Variants in SCN4B observed in about 807,000 individuals in gnomAD.
The protein encoded by SCN4B is sodium channel regulatory subunit beta-4.
SCN4B carries 20 observed loss-of-function variants against 19.6 expected under a neutral mutation model. The ratio of observed to expected loss-of-function variants is 1.02; its 90% CI spans 0.72 to 1.48. SCN4B has a LOEUF of 1.48. Among genes scored for constraint, SCN4B ranks in the 40% most tolerant of loss-of-function variants. The pLI is 0.00. For missense variants in SCN4B, 271 were observed against 287.5 expected, an observed-to-expected ratio of 0.94 and a Z score of 0.42; for synonymous variants, 127 against 122.8, an observed-to-expected ratio of 1.03 and a Z score of -0.22.
At chr11:118,147,124 C>G (rs1240929181) in intron 1 of SCN4B, among the ~76,000 whole-genome samples, 1 of 152,170 alleles carries the variant, frequency 6.6e-6, no homozygotes, top group Non-Finnish European at 1.5e-5. Flanking sequence ...GAATGCTGTG[C>G]GCAGGGACCA....
rs1317124427 is a variant in SCN4B at position 118,135,274 on chromosome 11, A to T, written c.*1753T>A. 1 of 453,972 alleles carries T rather than the reference A, an allele frequency of 2.2e-6. No individual in the cohort carries two copies. The highest frequency in any genetic ancestry group is 6.9e-5 in the East Asian group (1 of 14,392). 28.1% of individuals were successfully genotyped at this position (453,972 alleles called of 1,614,324 possible). On this transcript the variant is annotated 3_prime_UTR_variant, in exon 5 of 5. Coordinates refer to ENST00000324727, the MANE Select transcript of SCN4B (RefSeq NM_174934.4). ...TGGCTAAGGGACACTGGCCACAGCC[A>T]CGGGCACCCTGCAGGTACTACTGGT...
Position 118,135,753 on chromosome 11 carries a change from G to T in SCN4B, c.*1274C>A. On this transcript the variant is annotated 3_prime_UTR_variant, in exon 5 of 5. Transcript: ENST00000324727. ...TATGTCAGGACATACCGTCTAGAGAGGATGGGGGTAAGGGCTAGGATTCAG... is the reference window on the plus strand; with the variant it reads ...TATGTCAGGACATACCGTCTAGAGATGATGGGGGTAAGGGCTAGGATTCAG... 2.2e-6 allele frequency: 1 copy of T among 454,494 alleles called. No homozygotes were observed. Among genetic ancestry groups the T allele is most frequent in the South Asian group, 1.6e-5 (1 of 64,480 alleles). The allele number at this position is 454,494 out of a possible 1,614,324, so 28.2% of individuals were successfully genotyped here.
Position 118,135,100 on chromosome 11 carries a change from T to G in SCN4B, c.*1927A>C. 2 of 454,110 alleles carry G rather than the reference T, an allele frequency of 4.4e-6. No homozygotes were observed. The highest frequency in any genetic ancestry group is 8.8e-6 in the Non-Finnish European group (2 of 226,792). The allele number at this position is 454,110 out of a possible 1,614,324, so 28.1% of individuals were successfully genotyped here. On this transcript the variant is annotated 3_prime_UTR_variant, in exon 5 of 5. Coordinates refer to ENST00000324727, the MANE Select transcript of SCN4B (RefSeq NM_174934.4). ...GAAAACAGTTTTGCATGAAGGTAGC[T>G]ATAAGAAGTTTTCTGAATGGCTGGT...
rs751425302 is a variant in SCN4B at position 118,143,913 on chromosome 11, T to C, written c.383A>G (p.Lys128Arg). Residue 128 changes from lysine to arginine, a missense_variant, in exon 3 of 5, where the codon AAA becomes AGA. Coordinates refer to ENST00000324727, the MANE Select transcript of SCN4B (RefSeq NM_174934.4). ...LRDLEFSDTG[K>R]YTCHVKNPKE... Reference sequence around the variant, plus strand: ...GGGGTTCTTCACATGGCAGGTGTATTTGCCCGTGTCGCTGAACTCCAGGTC... The same window carrying C: ...GGGGTTCTTCACATGGCAGGTGTATCTGCCCGTGTCGCTGAACTCCAGGTC... 3.7e-6 allele frequency: 6 copies of C among 1,614,022 alleles called. No homozygotes were observed. The highest frequency in any genetic ancestry group is 5.1e-6 in the Non-Finnish European group (6 of 1,180,012).
chr11:118,145,023 G>C, intron 2 of SCN4B, 34 bp downstream of exon 2: 3 of 1,606,742 alleles, frequency 1.9e-6, no homozygotes, highest in Non-Finnish European at 2.6e-6. Flanking sequence ...GGTGAGGGAG[G>C]CTGGGCTGTA....
At position 118,145,171 on chromosome 11, in the gene SCN4B, G is replaced by A. The variant is rs1367165042; in HGVS notation, c.120C>T (p.Asp40=). The change falls in exon 2 of 5, where the codon GAC becomes GAT. Residue 40 remains aspartate (D), a synonymous_variant. Coordinates refer to ENST00000324727, the MANE Select transcript of SCN4B (RefSeq NM_174934.4). ...SLEVSVGKAT[D]IYAVNGTEIL... is the part of the protein sequence containing the mutation. Reference sequence around the variant, plus strand: ...TCTCCGTGCCATTGACAGCGTAGATGTCGGTGGCCTTTCCCACAGACACCT... The same window carrying A: ...TCTCCGTGCCATTGACAGCGTAGATATCGGTGGCCTTTCCCACAGACACCT... The A allele has an allele frequency of 6.3e-7, 1 of 1,595,956 alleles. No homozygotes were observed.
At chr11:118,140,267 A>G (rs1948077078) in intron 4 of SCN4B, among the ~76,000 whole-genome samples, 1 of 152,058 alleles carries the variant, frequency 6.6e-6, no homozygotes, top group Non-Finnish European at 1.5e-5. Context: ...TTCATCGACA[A>G]CCCAGTTCTG....
intron 4 of SCN4B, among the ~76,000 whole-genome samples, chr11:118,139,614 T>C (rs1276813675): frequency 1.3e-5 from 2 of 152,196 alleles, no homozygotes; most frequent in Non-Finnish European, 2.9e-5. Context: ...AGTGAGTCAG[T>C]AGAACATCCT....
At position 118,136,168 on chromosome 11, in the gene SCN4B, G is replaced by T. The variant is rs1948000650; in HGVS notation, c.*859C>A. 1 of 453,350 alleles carries T rather than the reference G, an allele frequency of 2.2e-6. No homozygotes were observed. Among genetic ancestry groups the T allele is most frequent in the Non-Finnish European group, 4.4e-6 (1 of 226,572 alleles). 28.1% of individuals were successfully genotyped at this position (453,350 alleles called of 1,614,324 possible). On this transcript the variant is annotated 3_prime_UTR_variant, in exon 5 of 5. Transcript: ENST00000324727. ...GTCCTGCCATGCCAGGGGAGGGGCT[G>T]CCAGCATTGGCAGCAATGGGGCGGG...
chr11:118,143,300 CATGT>C (rs1948123510), intron 3 of SCN4B, among the ~76,000 whole-genome samples: 1 of 152,202 alleles, frequency 6.6e-6, no homozygotes, highest in Non-Finnish European at 1.5e-5. Context: ...GGACAAGGGC[CATGT>C]CTTACTCCAT....
chr11:118,147,335 C>T (rs182642749), intron 1 of SCN4B, among the ~76,000 whole-genome samples: 9 of 152,258 alleles, frequency 5.9e-5, no homozygotes, highest in African/African-American at 2.2e-4. Context: ...TTTATATACA[C>T]TGTCTCATTT....
chr11:118,144,771 A>G (rs747622308), intron 2 of SCN4B, among the ~76,000 whole-genome samples: 1 of 152,092 alleles, frequency 6.6e-6, no homozygotes, highest in Non-Finnish European at 1.5e-5. Flanking sequence ...AGACTAAACT[A>G]TTGATTTTTA....
intron 4 of SCN4B, among the ~76,000 whole-genome samples, chr11:118,138,379 T>C (rs1047380302): frequency 6.6e-6 from 1 of 152,178 alleles, no homozygotes; most frequent in African/African-American, 2.4e-5. Flanking sequence ...CTTCTGGAAG[T>C]TGATAAATGT....
chr11:118,135,912 G>C lies in SCN4B; in HGVS notation c.*1115C>G. The C allele has an allele frequency of 2.2e-6, 1 of 454,386 alleles. No homozygotes were observed. The highest frequency in any genetic ancestry group is 4.4e-6 in the Non-Finnish European group (1 of 226,728). The allele number at this position is 454,386 out of a possible 1,614,324, so 28.1% of individuals were successfully genotyped here. A position where few individuals can be genotyped will look rare whatever the true frequency, so the allele number is the denominator to read the frequency against. On this transcript the variant is annotated 3_prime_UTR_variant, in exon 5 of 5. Coordinates refer to ENST00000324727, the MANE Select transcript of SCN4B (RefSeq NM_174934.4). ...GGGAGGGGGTGGCCCAGCTGAGCAGGAAGCAGCTGGGAAACCCAAGGACCC... is the reference window on the plus strand; with the variant it reads ...GGGAGGGGGTGGCCCAGCTGAGCAGCAAGCAGCTGGGAAACCCAAGGACCC...
intron 1 of SCN4B, among the ~76,000 whole-genome samples, chr11:118,150,852 C>A (rs1227602596): frequency 6.6e-6 from 1 of 152,162 alleles, no homozygotes; most frequent in African/African-American, 2.4e-5. Flanking sequence ...TGGTCAAGGG[C>A]CAAAGGGACT....
At chr11:118,140,415 A>C (rs1051921562) in intron 4 of SCN4B, among the ~76,000 whole-genome samples, 1 of 152,222 alleles carries the variant, frequency 6.6e-6, no homozygotes. Context: ...AGAATGTTTC[A>C]GCAAATAGGG....
At chr11:118,140,500 G>C (rs186101816) in intron 4 of SCN4B, among the ~76,000 whole-genome samples, 2 of 152,174 alleles carry the variant, frequency 1.3e-5, no homozygotes, top group Non-Finnish European at 2.9e-5. Flanking sequence ...CCATCTCGTC[G>C]CATCTGTCTT....
chr11:118,145,580 C>G (rs1000423869), intron 1 of SCN4B: 3 of 738,708 alleles, frequency 4.1e-6, no homozygotes, highest in Non-Finnish European at 5.7e-6. Flanking sequence ...GGAAGCGCTC[C>G]TGCCGCACCC....
chr11:118,145,090 C>T lies in SCN4B; in HGVS notation c.201G>A (p.Arg67=). 6.2e-7 allele frequency: 1 copy of T among 1,614,124 alleles called. No individual in the cohort carries two copies. Among genetic ancestry groups the T allele is most frequent in the Non-Finnish European group, 8.5e-7 (1 of 1,180,016 alleles). The change falls in exon 2 of 5, where the codon CGG becomes CGA. Residue 67 remains arginine, a synonymous_variant. Coordinates refer to ENST00000324727, the MANE Select transcript of SCN4B (RefSeq NM_174934.4). ...SCFGFEDLHF[R]WTYNSSDAFK... Reference sequence around the variant, plus strand: ...ATGCGTCACTGCTGTTGTAGGTCCACCGGAAGTGGAGGTCCTCGAAGCCAA... The same window carrying T: ...ATGCGTCACTGCTGTTGTAGGTCCATCGGAAGTGGAGGTCCTCGAAGCCAA...
Sources: allele counts gnomAD v4.1 joint callset (sites outside exome capture counted in the v4.1 genomes callset), GRCh38; gene constraint gnomAD v4.1.1; transcripts MANE v1.5; gene names NCBI Gene and HGNC (gene_info 2026-07-23, HGNC 2026-07-21).